UST: variants seen among roughly 807,000 people sequenced by gnomAD.
The protein encoded by UST is uronyl 2-sulfotransferase, also known as chondroitin sulfate 2-O-sulfotransferase.
Under a neutral mutation model 45.6 loss-of-function variants are expected in UST, and 21 were observed. The ratio of observed to expected loss-of-function variants is 0.46; its 90% CI spans 0.33 to 0.66. The LOEUF (loss-of-function observed/expected upper bound fraction) is 0.66, where lower values mean the gene tolerates loss of function less well. Among genes scored for constraint, UST ranks in the 30% least tolerant of loss-of-function variants. The pLI, the probability that UST is intolerant of heterozygous loss-of-function variation, is 0.02. For synonymous variants in UST, 215 were observed against 200.6 expected, an observed-to-expected ratio of 1.07 and a Z score of -0.61; for missense variants, 463 against 512.4, an observed-to-expected ratio of 0.90 and a Z score of 0.93.
intron 1 of UST, among the ~76,000 whole-genome samples, chr6:148,791,817 T>G (rs554604040): frequency 2.6e-4 from 39 of 152,336 alleles, no homozygotes; most frequent in Admixed American, 2.2e-3. Flanking sequence ...GCCAGTCTTA[T>G]GCATTACATG....
At chr6:148,932,478 T>A (rs895649128) in intron 2 of UST, among the ~76,000 whole-genome samples, 2 of 152,238 alleles carry the variant, frequency 1.3e-5, no homozygotes, top group African/African-American at 4.8e-5. Context: ...GCTTAAAGGG[T>A]ACTGTGGCAT....
At chr6:148,893,911 T>A (rs1293522679) in intron 2 of UST, among the ~76,000 whole-genome samples, 1 of 152,038 alleles carries the variant, frequency 6.6e-6, no homozygotes, top group Non-Finnish European at 1.5e-5. Flanking sequence ...CGAGCACTTT[T>A]GGAGGCTGAG....
At position 148,861,973 on chromosome 6, in the gene UST, G is replaced by A. The variant is rs528841032; in HGVS notation, c.248-25013G>A. Among the ~76,000 whole-genome samples the A allele has an allele frequency of 2.6e-5, 4 of 152,282 alleles. No homozygotes were observed. In the East Asian group the frequency reaches 7.7e-4, roughly 29 times the overall value. ...GTGTGCTGAGAAGAATGTATATTCT[G>A]TTGATTTGGGGTGGAGAGTTCTGTA... On this transcript the variant is annotated intron_variant, in intron 1 of 7. Coordinates refer to ENST00000367463, the MANE Select transcript of UST (RefSeq NM_005715.3).
intron 7 of UST, among the ~76,000 whole-genome samples, chr6:149,028,340 G>A (rs945263666): frequency 6.6e-6 from 1 of 152,172 alleles, no homozygotes; most frequent in Non-Finnish European, 1.5e-5. Flanking sequence ...TCCATGTAGA[G>A]TCCTTAGCCC....
rs182148117 is a variant in UST at position 149,001,361 on chromosome 6, G to A, written c.682-17778G>A. ...GCTGGGATTATAGGCATAAGCCACC[G>A]CGCCTGGCCTGGAGATGTGATCCTT... On this transcript the variant is annotated intron_variant, in intron 5 of 7. Coordinates refer to ENST00000367463, the MANE Select transcript of UST (RefSeq NM_005715.3). 2.0e-3 allele frequency among the ~76,000 whole-genome samples: 311 copies of A among 152,282 alleles called. 1 individual carries two copies. Among genetic ancestry groups the A allele is most frequent in the African/African-American group, 7.0e-3 (291 of 41,566 alleles).
intron 1 of UST, among the ~76,000 whole-genome samples, chr6:148,793,759 G>T (rs1451113882): frequency 6.6e-6 from 1 of 152,106 alleles, no homozygotes; most frequent in South Asian, 2.1e-4. Context: ...TTCTGAGTTC[G>T]TGGCTGCTTC....
At chr6:149,055,600 A>T (rs1776551052) in intron 7 of UST, among the ~76,000 whole-genome samples, 2 of 152,186 alleles carry the variant, frequency 1.3e-5, no homozygotes. Flanking sequence ...ACGGAACCTA[A>T]TGATACCTTT....
chr6:148,956,570 G>A (rs1780512384), intron 4 of UST, among the ~76,000 whole-genome samples: 3 of 152,164 alleles, frequency 2.0e-5, no homozygotes, highest in African/African-American at 7.2e-5. Flanking sequence ...TGGGGACACG[G>A]AGCCAAAACA....
At chr6:148,914,497 T>C (rs1484578496) in intron 2 of UST, among the ~76,000 whole-genome samples, 1 of 152,162 alleles carries the variant, frequency 6.6e-6, no homozygotes, top group East Asian at 1.9e-4. Context: ...ATATATCCCT[T>C]GCATGTGTAG....
Position 148,924,933 on chromosome 6 carries a change from AT to A in UST, c.292-16344del, listed in dbSNP as rs1554226849. On this transcript the variant is annotated intron_variant, in intron 2 of 7. Transcript: ENST00000367463. ...GGCGTGACTATGCCTGCTTGATTCT[AT>A]TACTTTGGGGCATTTTCAAAGAATT... Among the ~76,000 whole-genome samples the A allele has an allele frequency of 1.2e-4, 18 of 152,142 alleles. 1 individual carries two copies. The highest frequency in any genetic ancestry group is 1.0e-4 in the Non-Finnish European group (7 of 68,012).
At chr6:149,037,637 A>G (rs1270794122) in intron 7 of UST, among the ~76,000 whole-genome samples, 1 of 152,204 alleles carries the variant, frequency 6.6e-6, no homozygotes, top group African/African-American at 2.4e-5. Flanking sequence ...ACCGCGACTC[A>G]AAGTGTGGTC....
intron 1 of UST, among the ~76,000 whole-genome samples, chr6:148,877,623 GA>G (rs1384575363): frequency 2.8e-5 from 3 of 108,644 alleles, no homozygotes; most frequent in Admixed American, 8.5e-5. Flanking sequence ...GTATGAGTGT[GA>G]GGGGTCGTGT....
Position 148,841,581 on chromosome 6 carries a change from G to GTTT in UST, c.248-45402_248-45400dup, listed in dbSNP as rs770638985. On this transcript the variant is annotated intron_variant, in intron 1 of 7. Transcript: ENST00000367463. Reference sequence around the variant, plus strand: ...TAATTTGCCCAAGGGGGTCTGTTTTGTTTTTGTTTTTTTTTTCTGTCATGT... The same window carrying GTTT: ...TAATTTGCCCAAGGGGGTCTGTTTTGTTTTTTTTGTTTTTTTTTTCTGTCATGT... Among the ~76,000 whole-genome samples the GTTT allele has an allele frequency of 7.6e-3, 841 of 111,206 alleles. 9 individuals carry two copies. Among genetic ancestry groups the GTTT allele is most frequent in the African/African-American group, 0.027 (791 of 29,238 alleles). The allele number at this position is 111,206 out of a possible 152,430, so 73.0% of individuals were successfully genotyped here. A position where few individuals can be genotyped will look rare whatever the true frequency, so the allele number is the denominator to read the frequency against.
At chr6:148,917,664 A>G (rs1205914326) in intron 2 of UST, among the ~76,000 whole-genome samples, 1 of 152,206 alleles carries the variant, frequency 6.6e-6, no homozygotes, top group Non-Finnish European at 1.5e-5. Context: ...CAACCTGGGA[A>G]GCGGTGTGCT....
intron 5 of UST, among the ~76,000 whole-genome samples, chr6:148,992,287 G>A (rs895925477): frequency 6.6e-6 from 1 of 152,090 alleles, no homozygotes; most frequent in Non-Finnish European, 1.5e-5. Context: ...GGCAGATCAC[G>A]AGGTCAGGAG....
intron 1 of UST, among the ~76,000 whole-genome samples, chr6:148,824,676 T>TTC (rs1554218946): frequency 1.3e-4 from 19 of 141,472 alleles, no homozygotes; most frequent in African/African-American, 3.6e-4. Context: ...TTTTCTTTCT[T>TTC]TTTTTTTTTT....
chr6:148,803,649 C>T (rs1777093400), intron 1 of UST, among the ~76,000 whole-genome samples: 1 of 152,132 alleles, frequency 6.6e-6, no homozygotes, highest in African/African-American at 2.4e-5. Flanking sequence ...GATAAAGCCT[C>T]CCAGCCCCCA....
At chr6:149,014,152 G>A (rs891253108) in intron 5 of UST, among the ~76,000 whole-genome samples, 1 of 152,230 alleles carries the variant, frequency 6.6e-6, no homozygotes, top group Non-Finnish European at 1.5e-5. Flanking sequence ...CTGACAGGGA[G>A]GGAGTAGGAG....
At chr6:148,987,882 A>G (rs1781266406) in intron 5 of UST, among the ~76,000 whole-genome samples, 1 of 152,092 alleles carries the variant, frequency 6.6e-6, no homozygotes, top group Non-Finnish European at 1.5e-5. Context: ...AGCCAAACAG[A>G]CATGAGCATC....
Sources: gnomAD v4.1 joint callset for allele counts (sites outside exome capture counted in the v4.1 genomes callset) on GRCh38, gnomAD v4.1.1 for gene constraint, MANE v1.5 for transcripts, NCBI Gene and HGNC (gene_info 2026-07-23, HGNC 2026-07-21) for gene names.